Variants in FSTL5 observed in about 807,000 individuals in gnomAD.
FSTL5 encodes the protein follistatin like 5.
In FSTL5, 62 loss-of-function variants were observed where a neutral mutation model predicts 89.1. The observed-to-expected ratio is 0.70, with a 90% confidence interval of 0.57 to 0.86. FSTL5 has a LOEUF of 0.86. Among genes scored for constraint, FSTL5 ranks in the 40% least tolerant of loss-of-function variants. FSTL5 has a pLI of 0.00. For synonymous variants in FSTL5, 383 were observed against 346.2 expected, an observed-to-expected ratio of 1.11 and a Z score of -1.18; for missense variants, 1,057 against 1,001.6, an observed-to-expected ratio of 1.06 and a Z score of -0.75.
chr4:161,623,815 T>A (rs906354203), intron 7 of FSTL5, among the ~76,000 whole-genome samples: 2 of 152,034 alleles, frequency 1.3e-5, no homozygotes, highest in African/African-American at 4.8e-5. Flanking sequence ...AGAGAAGAGT[T>A]CTGTGAATTA....
intron 6 of FSTL5, among the ~76,000 whole-genome samples, chr4:161,706,142 A>T (rs1303444892): frequency 6.6e-6 from 1 of 150,818 alleles, no homozygotes; most frequent in Non-Finnish European, 1.5e-5. Context: ...CAAGTAAAAA[A>T]TATATATCTC....
chr4:161,942,352 A>T (rs538792946), intron 3 of FSTL5, among the ~76,000 whole-genome samples: 33 of 152,052 alleles, frequency 2.2e-4, no homozygotes, highest in Non-Finnish European at 4.6e-4. Flanking sequence ...CTTTGGAAAG[A>T]TCAACATAAT....
chr4:161,599,490 A>G (rs1734151557), intron 7 of FSTL5, among the ~76,000 whole-genome samples: 1 of 152,082 alleles, frequency 6.6e-6, no homozygotes, highest in Non-Finnish European at 1.5e-5. Flanking sequence ...TCTGGAAATA[A>G]CACCAAGTAC....
intron 4 of FSTL5, among the ~76,000 whole-genome samples, chr4:161,812,046 AT>A (rs1304537086): frequency 2.0e-5 from 3 of 152,132 alleles, no homozygotes; most frequent in South Asian, 2.1e-4. Flanking sequence ...AATGAGAGAT[AT>A]TTTTCTCCCA....
At chr4:161,756,160 T>C (rs1740559881) in intron 6 of FSTL5, among the ~76,000 whole-genome samples, 1 of 152,038 alleles carries the variant, frequency 6.6e-6, no homozygotes, top group Non-Finnish European at 1.5e-5. Flanking sequence ...ATATTTCCCG[T>C]AATTGCAGCA....
At chr4:162,036,222 G>C (rs78220424) in intron 2 of FSTL5, among the ~76,000 whole-genome samples, 6 of 151,990 alleles carry the variant, frequency 3.9e-5, no homozygotes, top group East Asian at 3.8e-4. Flanking sequence ...TTTGACATCC[G>C]TACTTGGATT....
chr4:161,739,002 C>G (rs1036703946), intron 6 of FSTL5, among the ~76,000 whole-genome samples: 1 of 152,146 alleles, frequency 6.6e-6, no homozygotes, highest in East Asian at 1.9e-4. Flanking sequence ...AAGGAAAACT[C>G]CAACAATTGT....
At chr4:161,696,817 C>T (rs1245233146) in intron 6 of FSTL5, among the ~76,000 whole-genome samples, 1 of 152,128 alleles carries the variant, frequency 6.6e-6, no homozygotes, top group African/African-American at 2.4e-5. Flanking sequence ...TGAAACATTG[C>T]TGAATTCTTT....
intron 11 of FSTL5, among the ~76,000 whole-genome samples, chr4:161,506,611 C>T (rs1033177332): frequency 2.6e-5 from 4 of 152,002 alleles, no homozygotes; most frequent in Non-Finnish European, 4.4e-5. Flanking sequence ...TTGAACCACA[C>T]TTAGAAGCTG....
At chr4:161,463,914 G>T (rs892672394) in intron 13 of FSTL5, among the ~76,000 whole-genome samples, 3 of 152,028 alleles carry the variant, frequency 2.0e-5, no homozygotes, top group African/African-American at 7.2e-5. Flanking sequence ...CATGAACACA[G>T]TCACCATTAT....
Position 161,579,286 on chromosome 4 carries a change from C to T in FSTL5, c.1015+8169G>A, listed in dbSNP as rs879547872. On this transcript the variant is annotated intron_variant, in intron 8 of 15. Coordinates refer to ENST00000306100, the MANE Select transcript of FSTL5 (RefSeq NM_020116.5). ...CATGACAATATGTTAAGTTTCATAT[C>T]GTATGTGTGGCTTATAGCAATATCT... 5.9e-5 allele frequency among the ~76,000 whole-genome samples: 9 copies of T among 151,586 alleles called. No homozygotes were observed. The South Asian group carries it at 6.2e-4, about 10-fold the overall frequency.
chr4:161,542,124 A>T (rs1407597899), intron 9 of FSTL5, among the ~76,000 whole-genome samples: 1 of 152,150 alleles, frequency 6.6e-6, no homozygotes, highest in South Asian at 2.1e-4. Context: ...TAAAAAATCC[A>T]CTAAAAATTC....
chr4:162,026,304 C>CTTTTTTTTTTCTTTTTTTTTTT (rs1737283331), intron 3 of FSTL5, among the ~76,000 whole-genome samples: 1 of 79,474 alleles, frequency 1.3e-5, no homozygotes, highest in Non-Finnish European at 2.2e-5. Flanking sequence ...TATGTATTTT[C>CTTTTTTTTTTCTTTTTTTTTTT]TTTTTTTTTT....
chr4:162,005,010 T>C (rs1736576893), intron 3 of FSTL5, among the ~76,000 whole-genome samples: 1 of 152,184 alleles, frequency 6.6e-6, no homozygotes, highest in Non-Finnish European at 1.5e-5. Context: ...TTATAAAATT[T>C]GTAAACTCTT....
In FSTL5 at chr4:161,386,113, TTC is replaced by T. The variant is rs768895469; in HGVS notation, c.2176_2177del (p.Glu726AsnfsTer6). 3.1e-6 allele frequency: 5 copies of T among 1,613,940 alleles called. No individual in the cohort carries two copies. On this transcript the variant is annotated frameshift_variant, in exon 16 of 16. Coordinates refer to ENST00000306100, the MANE Select transcript of FSTL5 (RefSeq NM_020116.5). LOFTEE classifies it high-confidence loss of function. ...TGTAAATATCAAAAGCCTCCTGTATTTCTCCTCTGATGGTAATGTACTGAACC... is the reference window on the plus strand; with the variant it reads ...TGTAAATATCAAAAGCCTCCTGTATTTCCTCTGATGGTAATGTACTGAACC... ...VRVQYITIRG[E>X]IQEAFDIYTN... is the part of the protein sequence containing the mutation.
intron 15 of FSTL5, among the ~76,000 whole-genome samples, chr4:161,435,077 TA>T (rs1732511764): frequency 6.6e-6 from 1 of 152,048 alleles, no homozygotes. Flanking sequence ...GCTAGGCATA[TA>T]ACCCCCCAAA....
At chr4:161,775,227 T>G (rs1051416621) in intron 5 of FSTL5, among the ~76,000 whole-genome samples, 1 of 152,130 alleles carries the variant, frequency 6.6e-6, no homozygotes, top group African/African-American at 2.4e-5. Context: ...TCAAGATATG[T>G]TATAGGGATC....
intron 4 of FSTL5, among the ~76,000 whole-genome samples, chr4:161,824,731 C>A (rs1288077351): frequency 6.6e-6 from 1 of 152,088 alleles, no homozygotes; most frequent in Non-Finnish European, 1.5e-5. Flanking sequence ...TGATTTGATT[C>A]TCAGCTTGGT....
chr4:161,439,608 T>C (rs1366471302), intron 15 of FSTL5, among the ~76,000 whole-genome samples: 3 of 152,186 alleles, frequency 2.0e-5, no homozygotes, highest in Non-Finnish European at 4.4e-5. Flanking sequence ...TTGTGACTTA[T>C]TTGTGAAGTG....
Sources: allele counts gnomAD v4.1 joint callset (sites outside exome capture counted in the v4.1 genomes callset), GRCh38; gene constraint gnomAD v4.1.1; transcripts MANE v1.5; gene names NCBI Gene and HGNC (gene_info 2026-07-23, HGNC 2026-07-21).